The following ADARB2 variants were observed in gnomAD, a reference collection of about 807,000 sequenced individuals.
ADARB2 encodes adenosine deaminase RNA specific B2 (inactive), also known as inactive double-stranded RNA-specific editase B2.
In ADARB2, 25 loss-of-function variants were observed where a neutral mutation model predicts 62.2. The observed-to-expected ratio is 0.40, with a 90% CI of 0.29 to 0.56. ADARB2 has a LOEUF of 0.56. Among genes scored for constraint, ADARB2 ranks in the 20% least tolerant of loss-of-function variants. The pLI is 0.43. For missense variants in ADARB2, 1,071 were observed against 1,077.4 expected, an observed-to-expected ratio of 0.99 and a Z score of 0.08; for synonymous variants, 572 against 500.8, an observed-to-expected ratio of 1.14 and a Z score of -1.90.
In ADARB2 at chr10:1,329,331, C is replaced by T. The variant is rs573109086; in HGVS notation, c.1077+33697G>A. Reference sequence around the variant, plus strand: ...AAAAACCTCTACTGTTAAATTTGTTCCAGTGATTCTTAAGAGTTTAAATGA... The same window carrying T: ...AAAAACCTCTACTGTTAAATTTGTTTCAGTGATTCTTAAGAGTTTAAATGA... On this transcript the variant is annotated intron_variant, in intron 3 of 9. Transcript: ENST00000381312. 7.5e-4 allele frequency among the ~76,000 whole-genome samples: 114 copies of T among 152,204 alleles called. 1 individual carries two copies. The highest frequency in any genetic ancestry group is 2.6e-4 in the Non-Finnish European group (18 of 68,042).
rs182919408 is a variant in ADARB2, at chr10:1,414,417, C to T, written c.101-35257G>A. On this transcript the variant is annotated intron_variant, in intron 1 of 9. Transcript: ENST00000381312. ...TCTAAGCCCAGGGCATAAAATCCCTCGTGGCTTGGATAGAATCCAGGGCTC... is the reference window on the plus strand; with the variant it reads ...TCTAAGCCCAGGGCATAAAATCCCTTGTGGCTTGGATAGAATCCAGGGCTC... Among the ~76,000 whole-genome samples, 18 of 152,294 alleles carry T rather than the reference C, an allele frequency of 1.2e-4. No individual in the cohort carries two copies. The East Asian group carries it at 1.5e-3, about 13-fold the overall frequency.
At chr10:1,403,203 T>A (rs902663852) in intron 1 of ADARB2, among the ~76,000 whole-genome samples, 4 of 152,184 alleles carry the variant, frequency 2.6e-5, no homozygotes, top group African/African-American at 9.7e-5. Flanking sequence ...TGCTCAACTT[T>A]TCAGTTCCAA....
At chr10:1,445,595 A>G (rs1830960575) in intron 1 of ADARB2, among the ~76,000 whole-genome samples, 1 of 152,252 alleles carries the variant, frequency 6.6e-6, no homozygotes, top group South Asian at 2.1e-4. Flanking sequence ...TGTACTCACT[A>G]GTAAATCACA....
At chr10:1,308,365 T>G (rs1391367228) in intron 3 of ADARB2, among the ~76,000 whole-genome samples, 1 of 152,250 alleles carries the variant, frequency 6.6e-6, no homozygotes. Context: ...TATTCCATTT[T>G]CTGGATGGAT....
At chr10:1,608,956 A>T (rs1183584453) in intron 1 of ADARB2, among the ~76,000 whole-genome samples, 4 of 152,100 alleles carry the variant, frequency 2.6e-5, no homozygotes, top group Non-Finnish European at 5.9e-5. Flanking sequence ...CTCTTGCAGC[A>T]ACACCACATT....
chr10:1,675,645 G>A (rs1386521302), intron 1 of ADARB2, among the ~76,000 whole-genome samples: 3 of 151,756 alleles, frequency 2.0e-5, no homozygotes, highest in Admixed American at 6.6e-5. Flanking sequence ...TGGGTTCAGG[G>A]ATGCGTGAAT....
At chr10:1,340,757 G>A (rs1280470958) in intron 3 of ADARB2, among the ~76,000 whole-genome samples, 5 of 127,532 alleles carry the variant, frequency 3.9e-5, no homozygotes, top group African/African-American at 1.6e-4. Flanking sequence ...AGAGAACCAC[G>A]TGCCCCACAG....
At chr10:1,610,247 G>T (rs1833550337) in intron 1 of ADARB2, among the ~76,000 whole-genome samples, 2 of 152,146 alleles carry the variant, frequency 1.3e-5, no homozygotes, top group South Asian at 4.1e-4. Context: ...CAGTTCTGCT[G>T]CTCGCCTCCA....
chr10:1,576,074 CACA>C (rs1833012875), intron 1 of ADARB2, among the ~76,000 whole-genome samples: 1 of 118,494 alleles, frequency 8.4e-6, no homozygotes, highest in African/African-American at 3.3e-5. Context: ...GGCCCAGGGT[CACA>C]GGAGGGGGCT....
At chr10:1,573,020 G>C (rs908425531) in intron 1 of ADARB2, among the ~76,000 whole-genome samples, 2 of 152,252 alleles carry the variant, frequency 1.3e-5, no homozygotes, top group Non-Finnish European at 2.9e-5. Flanking sequence ...CCTGTGAGAG[G>C]GTTGGCTTCA....
intron 1 of ADARB2, among the ~76,000 whole-genome samples, chr10:1,649,612 A>G (rs999276587): frequency 2.0e-5 from 3 of 152,264 alleles, no homozygotes; most frequent in Non-Finnish European, 4.4e-5. Context: ...TTGCTTTGCC[A>G]GAAATGACCC....
chr10:1,510,112 CTTTCTTTCTTT>C (rs1564312476), intron 1 of ADARB2, among the ~76,000 whole-genome samples: 29 of 72,700 alleles, frequency 4.0e-4, no homozygotes, highest in African/African-American at 1.8e-3. Flanking sequence ...TTCTTTCTCT[CTTTCTTTCTTT>C]CTTTCTTTCT....
chr10:1,250,180 C>T (rs979144534), intron 4 of ADARB2, among the ~76,000 whole-genome samples: 1 of 151,594 alleles, frequency 6.6e-6, no homozygotes, highest in African/African-American at 2.4e-5. Context: ...AGCAATGGTG[C>T]TTTGTTTTGG....
At chr10:1,474,917 G>A (rs1312285367) in intron 1 of ADARB2, among the ~76,000 whole-genome samples, 4 of 152,182 alleles carry the variant, frequency 2.6e-5, no homozygotes, top group African/African-American at 7.2e-5. Context: ...CGGCTGGACC[G>A]AGCCCGGGGC....
At chr10:1,734,886 G>A (rs1169987039) in intron 1 of ADARB2, among the ~76,000 whole-genome samples, 1 of 152,146 alleles carries the variant, frequency 6.6e-6, no homozygotes, top group African/African-American at 2.4e-5. Flanking sequence ...ACTCACCATT[G>A]TTTTTATAAA....
At chr10:1,615,471 C>G (rs1833619971) in intron 1 of ADARB2, among the ~76,000 whole-genome samples, 1 of 152,200 alleles carries the variant, frequency 6.6e-6, no homozygotes, top group Non-Finnish European at 1.5e-5. Flanking sequence ...GTGGATGTGT[C>G]AGGGTGCACA....
chr10:1,206,522 TGC>T (rs1837069622), intron 7 of ADARB2, among the ~76,000 whole-genome samples: 4 of 152,202 alleles, frequency 2.6e-5, no homozygotes, highest in Admixed American at 6.5e-5. Context: ...CTGAGAGAAC[TGC>T]GGGGTCTCCT....
chr10:1,369,933 G>A (rs1332201944), intron 2 of ADARB2, among the ~76,000 whole-genome samples: 2 of 152,202 alleles, frequency 1.3e-5, no homozygotes, highest in African/African-American at 4.8e-5. Flanking sequence ...TCCAGTGGCT[G>A]GGTGCTGGCA....
At chr10:1,654,306 G>A (rs191392206) in intron 1 of ADARB2, among the ~76,000 whole-genome samples, 15 of 152,224 alleles carry the variant, frequency 9.9e-5, no homozygotes, top group African/African-American at 2.9e-4. Context: ...GGAAGTGCAC[G>A]CCTCCCCCGA....
Sources: gnomAD v4.1 joint callset for allele counts (sites outside exome capture counted in the v4.1 genomes callset) on GRCh38, gnomAD v4.1.1 for gene constraint, MANE v1.5 for transcripts, NCBI Gene and HGNC (gene_info 2026-07-23, HGNC 2026-07-21) for gene names.